The following BUD13 variants were observed in gnomAD, a reference collection of about 807,000 sequenced individuals.
The protein encoded by BUD13 is BUD13 spliceosome associated protein, also known as BUD13 homolog.
A neutral mutation model predicts 62.5 loss-of-function variants in BUD13; 47 were observed. That is an observed-to-expected ratio of 0.75 (90% CI 0.60 to 0.96). BUD13 has a LOEUF of 0.96. Ranked by LOEUF, BUD13 falls within the 40% of genes least tolerant of loss-of-function variation. The probability of loss-of-function intolerance (pLI) is 0.00; values close to 1 mark genes in which losing one functional copy is unlikely to be tolerated. For missense variants in BUD13, 821 were observed against 790.9 expected (o/e 1.04, Z -0.46); for synonymous variants, 293 against 280.1 (o/e 1.05, Z -0.46).
Position 116,762,542 on chromosome 11 carries a change from C to T in BUD13, c.1036+11G>A, listed in dbSNP as rs1940448392. 1 of 1,590,268 alleles carries T rather than the reference C, an allele frequency of 6.3e-7. No homozygotes were observed. The highest frequency in any genetic ancestry group is 1.3e-5 in the African/African-American group (1 of 74,134). On this transcript the variant is annotated intron_variant, in intron 4 of 9. Coordinates refer to ENST00000260210, the MANE Select transcript of BUD13 (RefSeq NM_032725.4). ...TACATACATCCCTCTCATGGACAGT[C>T]ATATGCTCACCTTTGGAATCAAGCT...
At position 116,772,645 on chromosome 11, in the gene BUD13, CGGCAGAGGCAAGGCGGGG is replaced by C. The variant is rs566583941; in HGVS notation, c.143+159_143+176del. On this transcript the variant is annotated intron_variant, in intron 1 of 9. Transcript: ENST00000260210. ...TCAGAGGCTCGAGATGTAAGCGGGG[CGGCAGAGGCAAGGCGGGG>C]GGCCTCAAGCGATGTGAGTGGGGCC... Among the ~76,000 whole-genome samples, 348 of 152,296 alleles carry C rather than the reference CGGCAGAGGCAAGGCGGGG, an allele frequency of 2.3e-3. 3 individuals carry two copies. The highest frequency in any genetic ancestry group is 7.9e-3 in the African/African-American group (329 of 41,570).
chr11:116,758,131 A>C (rs1940364335), intron 7 of BUD13, 138 bp downstream of exon 7: 4 of 1,429,624 alleles, frequency 2.8e-6, no homozygotes, highest in Non-Finnish European at 3.8e-6. Flanking sequence ...TATCCTAGGA[A>C]GAAGATTCAG....
In BUD13 at chr11:116,765,472, T is replaced by C. The variant is rs376788443; in HGVS notation, c.238-26A>G. Reference sequence around the variant, plus strand: ...CTGTGAGAGTAAAGATTTCCTATCTTAGGAAATCCACAGGATCCAGCCAAG... The same window carrying C: ...CTGTGAGAGTAAAGATTTCCTATCTCAGGAAATCCACAGGATCCAGCCAAG... On this transcript the variant is annotated intron_variant, in intron 2 of 9. Coordinates refer to ENST00000260210, the MANE Select transcript of BUD13 (RefSeq NM_032725.4). 2.5e-6 allele frequency: 4 copies of C among 1,613,246 alleles called. No individual in the cohort carries two copies. The African/African-American group carries it at 5.3e-5, about 22-fold the overall frequency.
rs375714619 is a variant in BUD13 at position 116,766,329 on chromosome 11, A to C, written c.238-883T>G. ...GTAAAGAAAGGCTCCACACTACTGA[A>C]TAGCAAACTGATTCGGAGAAGTTCA... On this transcript the variant is annotated intron_variant, in intron 2 of 9. Transcript: ENST00000260210. Among the ~76,000 whole-genome samples the C allele has an allele frequency of 7.9e-4, 120 of 152,354 alleles. 6 individuals carry two copies. The South Asian group carries it at 0.024, about 31-fold the overall frequency.
In BUD13 at chr11:116,762,793, T is replaced by G. The variant is rs1412271934; in HGVS notation, c.796A>C (p.Arg266=). 3 of 1,613,956 alleles carry G rather than the reference T, an allele frequency of 1.9e-6. No homozygotes were observed. Among genetic ancestry groups the G allele is most frequent in the Non-Finnish European group, 2.5e-6 (3 of 1,180,000 alleles). The change falls in exon 4 of 10, where the codon AGG becomes CGG. Residue 266 remains arginine (R), a synonymous_variant. Coordinates refer to ENST00000260210, the MANE Select transcript of BUD13 (RefSeq NM_032725.4). ...LGSSDTQQLR[R]ARHDSPDLAP... The stretch of plus-strand genomic sequence containing the variant: ...AAATCAGGGGAGTCATGACGGGCCC[T>G]TCTGAGTTGCTGTGTGTCTGAAGAG...
Position 116,759,740 on chromosome 11 carries a change from G to T in BUD13, c.1255-561C>A, listed in dbSNP as rs373545243. 2.0e-5 allele frequency among the ~76,000 whole-genome samples: 3 copies of T among 152,154 alleles called. No homozygotes were observed. The East Asian group carries it at 5.8e-4, about 29-fold the overall frequency. On this transcript the variant is annotated intron_variant, in intron 5 of 9. Transcript: ENST00000260210. ...ATTGGAATAATATTAAGTTGTCCAT[G>T]AACTAAATGGATATATAAAATGCCA...
At chr11:116,767,576 G>C (rs1167191826) in intron 2 of BUD13, among the ~76,000 whole-genome samples, 2 of 115,602 alleles carry the variant, frequency 1.7e-5, no homozygotes, top group Non-Finnish European at 3.3e-5. Context: ...CTGGGCAACA[G>C]AGTGAGACTC....
chr11:116,762,424 A>C, intron 4 of BUD13, 129 bp downstream of exon 4: 1 of 780,730 alleles, frequency 1.3e-6, no homozygotes, highest in African/African-American at 1.8e-5. Context: ...AACTCTCCCA[A>C]ACCCAGCCTC....
intron 9 of BUD13, 41 bp downstream of exon 9, chr11:116,757,105 G>T (rs1940339539): frequency 6.3e-7 from 1 of 1,583,922 alleles, no homozygotes; most frequent in South Asian, 1.1e-5. Flanking sequence ...GTTAGGGAAG[G>T]TTACAGTCAG....
In BUD13 at chr11:116,758,365, C is replaced by A; in HGVS notation, c.1403G>T (p.Gly468Val). 6.2e-7 allele frequency: 1 copy of A among 1,614,116 alleles called. No individual in the cohort carries two copies. The highest frequency in any genetic ancestry group is 8.5e-7 in the Non-Finnish European group (1 of 1,180,034). ...TTCGAGTTTCAAATTCCTCTTACGA[C>A]CAGACTTATCTCGAAATACGGTTTC... Reference protein sequence around the residue: ...YAETVFRDKSGRKRNLKLERL... With the variant: ...YAETVFRDKSVRKRNLKLERL... Residue 468 changes from glycine to valine, a missense_variant, in exon 7 of 10, where the codon GGT becomes GTT. Physicochemically the swap from Gly to Val is moderately radical, Grantham distance 109. Coordinates refer to ENST00000260210, the MANE Select transcript of BUD13 (RefSeq NM_032725.4).
chr11:116,751,218 C>T (rs1363003426), intron 9 of BUD13, among the ~76,000 whole-genome samples: 3 of 152,216 alleles, frequency 2.0e-5, no homozygotes, highest in African/African-American at 7.2e-5. Context: ...GGCTCAGGGG[C>T]TATCTCTCTT....
intron 2 of BUD13, among the ~76,000 whole-genome samples, chr11:116,765,885 A>G (rs959241247): frequency 6.6e-6 from 1 of 152,208 alleles, no homozygotes. Flanking sequence ...TCACAGTGAT[A>G]GGTTTTCTTG....
chr11:116,769,261 A>C lies in BUD13; in HGVS notation c.237+868T>G, dbSNP rs534648261. On this transcript the variant is annotated intron_variant, in intron 2 of 9. Transcript: ENST00000260210. Reference sequence around the variant, plus strand: ...CTTTCAGGATATCTCCCAACAGAATACAAAGTATGCTACCTCCCCGGGCTC... The same window carrying C: ...CTTTCAGGATATCTCCCAACAGAATCCAAAGTATGCTACCTCCCCGGGCTC... Among the ~76,000 whole-genome samples, 6 of 152,306 alleles carry C rather than the reference A, an allele frequency of 3.9e-5. No homozygotes were observed. The East Asian group carries it at 9.6e-4, about 24-fold the overall frequency.
At chr11:116,753,686 C>CAGGA (rs1401820866) in intron 9 of BUD13, among the ~76,000 whole-genome samples, 3 of 152,258 alleles carry the variant, frequency 2.0e-5, no homozygotes, top group Non-Finnish European at 4.4e-5. Flanking sequence ...AATTAGCAGA[C>CAGGA]AGGACTTCAA....
rs532013171 is a variant in BUD13, at chr11:116,767,088, T to C, written c.238-1642A>G. On this transcript the variant is annotated intron_variant, in intron 2 of 9. Transcript: ENST00000260210. ...CTGTAATCCCAGCTATTTGGGAGGC[T>C]GAGGCAGGAGGTTCACTTGAACCTG... 2.0e-5 allele frequency among the ~76,000 whole-genome samples: 3 copies of C among 151,462 alleles called. No homozygotes were observed. The South Asian group carries it at 6.3e-4, about 32-fold the overall frequency.
intron 5 of BUD13, 88 bp downstream of exon 5, chr11:116,760,644 CCTT>C: frequency 1.4e-6 from 2 of 1,386,040 alleles, no homozygotes; most frequent in Non-Finnish European, 1.0e-6. Flanking sequence ...AGAGCTACAT[CCTT>C]CTTCTTGGCT....
Position 116,762,724 on chromosome 11 carries a change from T to C in BUD13, c.865A>G (p.Lys289Glu). ...TYSLPRTKSG[K>E]APERASSKTS... is the part of the protein sequence containing the mutation. The stretch of plus-strand genomic sequence containing the variant: ...TTGCTAGAGGCTCTTTCTGGGGCTT[T>C]ACCACTTTTGGTTCTGGGCAGGGAA... Residue 289 changes from lysine to glutamate, a missense_variant, in exon 4 of 10, where the codon AAA becomes GAA. Lys to Glu is a moderately conservative substitution (Grantham distance 56, BLOSUM62 1). Coordinates refer to ENST00000260210, the MANE Select transcript of BUD13 (RefSeq NM_032725.4). The C allele has an allele frequency of 1.2e-6, 2 of 1,614,200 alleles. No homozygotes were observed. Among genetic ancestry groups the C allele is most frequent in the Non-Finnish European group, 1.7e-6 (2 of 1,180,024 alleles).
intron 4 of BUD13, among the ~76,000 whole-genome samples, chr11:116,761,285 GA>G (rs148277313): frequency 0.041 from 6,308 of 152,068 alleles, 406 homozygotes; most frequent in African/African-American, 0.14. Context: ...CTCCTGACCT[GA>G]GGTGATCTGC....
chr11:116,764,010 A>G (rs760714302), intron 3 of BUD13, among the ~76,000 whole-genome samples: 8 of 152,242 alleles, frequency 5.3e-5, no homozygotes, highest in Non-Finnish European at 1.0e-4. Flanking sequence ...ATACTCAGAA[A>G]GATTAACTTG....
Sources: gnomAD v4.1 joint callset for allele counts (sites outside exome capture counted in the v4.1 genomes callset) on GRCh38, gnomAD v4.1.1 for gene constraint, MANE v1.5 for transcripts, NCBI Gene and HGNC (gene_info 2026-07-23, HGNC 2026-07-21) for gene names.